CDC40: variants seen among roughly 807,000 people sequenced by gnomAD.
CDC40 encodes the protein cell division cycle 40.
Under a neutral mutation model 80.6 loss-of-function variants are expected in CDC40, and 27 were observed. The ratio of observed to expected loss-of-function variants is 0.33; its 90% CI spans 0.25 to 0.46. The LOEUF (loss-of-function observed/expected upper bound fraction) is 0.46. Ranked by LOEUF, CDC40 falls within the 20% of genes least tolerant of loss-of-function variation. The pLI, the probability that CDC40 is intolerant of heterozygous loss-of-function variation, is 1.00. For synonymous variants in CDC40, 221 were observed against 232.6 expected (o/e 0.95, Z 0.45); for missense variants, 486 against 694.1 (o/e 0.70, Z 3.37).
intron 2 of CDC40, among the ~76,000 whole-genome samples, chr6:110,200,031 T>C (rs980031719): frequency 6.6e-6 from 1 of 152,146 alleles, no homozygotes; most frequent in Non-Finnish European, 1.5e-5. Flanking sequence ...TAGATTTTTT[T>C]CCCCGACATT....
In CDC40 at chr6:110,180,456, G is replaced by C; in HGVS notation, c.12G>C (p.Ala4=). 6.2e-7 allele frequency: 1 copy of C among 1,614,126 alleles called. No individual in the cohort carries two copies. The highest frequency in any genetic ancestry group is 1.7e-4 in the Middle Eastern group (1 of 6,040). MSA[A]IAALAASYGS... Reference sequence around the variant, plus strand: ...GATTTGTTGCCGTCATGTCGGCTGCGATTGCAGCTCTGGCCGCTTCCTATG... The same window carrying C: ...GATTTGTTGCCGTCATGTCGGCTGCCATTGCAGCTCTGGCCGCTTCCTATG... Residue 4 remains alanine, a synonymous_variant, in exon 1 of 15, where the codon GCG becomes GCC. Coordinates refer to ENST00000307731, the MANE Select transcript of CDC40 (RefSeq NM_015891.3).
In CDC40 at chr6:110,215,152, A is replaced by C. The variant is rs559332947; in HGVS notation, c.943-134A>C. 7.2e-5 allele frequency: 48 copies of C among 666,862 alleles called. No individual in the cohort carries two copies. The South Asian group carries it at 8.6e-4, about 12-fold the overall frequency. 41.3% of individuals were successfully genotyped at this position (666,862 alleles called of 1,614,324 possible). The stretch of plus-strand genomic sequence containing the variant: ...CTATATTTAATGATATTCAGTGTTT[A>C]ATATTTAATGATTGAAGCTGTGCGT... On this transcript the variant is annotated intron_variant, in intron 8 of 14. Coordinates refer to ENST00000307731, the MANE Select transcript of CDC40 (RefSeq NM_015891.3).
intron 12 of CDC40, among the ~76,000 whole-genome samples, chr6:110,225,896 A>G (rs775965069): frequency 6.6e-6 from 1 of 152,214 alleles, no homozygotes; most frequent in East Asian, 1.9e-4. Context: ...ATTTTTTAAC[A>G]TAAAGGCCAA....
intron 4 of CDC40, among the ~76,000 whole-genome samples, chr6:110,208,508 A>G (rs1777592267): frequency 1.3e-5 from 2 of 152,178 alleles, no homozygotes; most frequent in Admixed American, 1.3e-4. Flanking sequence ...CGTTAATGAT[A>G]TTAGAGGTCA....
At chr6:110,196,473 C>T (rs1294044124) in intron 2 of CDC40, among the ~76,000 whole-genome samples, 1 of 152,056 alleles carries the variant, frequency 6.6e-6, no homozygotes, top group South Asian at 2.1e-4. Context: ...CTTTTTAAAT[C>T]TGCTTAGACA....
chr6:110,182,014 A>G (rs1016677048), intron 1 of CDC40, among the ~76,000 whole-genome samples: 8 of 152,018 alleles, frequency 5.3e-5, no homozygotes, highest in Non-Finnish European at 1.0e-4. Flanking sequence ...CATACCTTCA[A>G]CCTCAGGCTG....
chr6:110,181,576 A>G (rs1432264061), intron 1 of CDC40, among the ~76,000 whole-genome samples: 1 of 152,242 alleles, frequency 6.6e-6, no homozygotes, highest in African/African-American at 2.4e-5. Flanking sequence ...TACTTTTTAA[A>G]AATGGACATC....
chr6:110,213,840 C>T (rs2114665714), intron 8 of CDC40, among the ~76,000 whole-genome samples: 1 of 152,262 alleles, frequency 6.6e-6, no homozygotes, highest in African/African-American at 2.4e-5. Flanking sequence ...TCTTTAGCTT[C>T]TGTTCAGTCA....
chr6:110,219,648 A>G (rs557944067), intron 11 of CDC40, 88 bp from the exon 12 acceptor site: 316 of 1,431,900 alleles, frequency 2.2e-4, no homozygotes, highest in East Asian at 2.3e-5. Context: ...CGTGTTGAAG[A>G]TCTTCTCCTT....
chr6:110,207,314 C>CAAAAAA (rs869177206), intron 3 of CDC40, among the ~76,000 whole-genome samples, 192 bp from the exon 4 acceptor site: 4 of 52,514 alleles, frequency 7.6e-5, no homozygotes, highest in Non-Finnish European at 8.9e-5. Flanking sequence ...GACCCTATCT[C>CAAAAAA]AAAAAAAAAA....
At chr6:110,183,045 G>A (rs1562197732) in intron 1 of CDC40, among the ~76,000 whole-genome samples, 1 of 152,118 alleles carries the variant, frequency 6.6e-6, no homozygotes, top group Non-Finnish European at 1.5e-5. Flanking sequence ...TTCTTCCTCT[G>A]AAGATTTTGC....
chr6:110,195,779 C>G (rs1777411337), intron 2 of CDC40, among the ~76,000 whole-genome samples: 1 of 151,902 alleles, frequency 6.6e-6, no homozygotes. Flanking sequence ...ACAGGAATGC[C>G]CGAGTCCTTA....
chr6:110,221,998 G>A (rs1777783881), intron 12 of CDC40, among the ~76,000 whole-genome samples: 1 of 151,792 alleles, frequency 6.6e-6, no homozygotes, highest in Non-Finnish European at 1.5e-5. Flanking sequence ...GCTGATGCCT[G>A]TAATTCCAGC....
At chr6:110,205,744 TTTACATTC>T (rs1440272114) in intron 3 of CDC40, among the ~76,000 whole-genome samples, 1 of 152,154 alleles carries the variant, frequency 6.6e-6, no homozygotes, top group Admixed American at 6.5e-5. Context: ...AAAGTAGAAA[TTTACATTC>T]TAGCTAGATA....
rs760024633 is a variant in CDC40 at position 110,215,330 on chromosome 6, T to G, written c.987T>G (p.Ile329Met). Residue 329 changes from isoleucine to methionine, a missense_variant and splice_region_variant, in exon 9 of 15, where the codon ATT becomes ATG. Coordinates refer to ENST00000307731, the MANE Select transcript of CDC40 (RefSeq NM_015891.3). ...AACGGCGCTGTCTGAGAACATTTAT[T>G]GGTAATGCTTCTTTTCTCTCCAACA... The part of the protein sequence containing the change: ...YGERRCLRTF[I>M]GHSKAVRDIC... 6.2e-7 allele frequency: 1 copy of G among 1,611,576 alleles called. No individual in the cohort carries two copies. Among genetic ancestry groups the G allele is most frequent in the South Asian group, 1.1e-5 (1 of 91,024 alleles).
At chr6:110,220,443 CTTTTT>C (rs57659156) in intron 12 of CDC40, among the ~76,000 whole-genome samples, 3 of 60,764 alleles carry the variant, frequency 4.9e-5, no homozygotes, top group African/African-American at 6.2e-5. Context: ...GAGAAAGGCA[CTTTTT>C]TTTTTTTTTT....
At chr6:110,203,727 C>T (rs1161960071) in intron 3 of CDC40, among the ~76,000 whole-genome samples, 4 of 152,094 alleles carry the variant, frequency 2.6e-5, no homozygotes, top group Non-Finnish European at 4.4e-5. Context: ...TGTGTCATCC[C>T]GTTTACTTAC....
intron 1 of CDC40, among the ~76,000 whole-genome samples, chr6:110,185,386 G>T (rs1777253897): frequency 6.7e-6 from 1 of 150,206 alleles, no homozygotes; most frequent in African/African-American, 2.4e-5. Flanking sequence ...GGGACTACAG[G>T]CGCCCGCCAC....
chr6:110,191,019 G>T (rs1247144815), intron 1 of CDC40, among the ~76,000 whole-genome samples: 1 of 152,142 alleles, frequency 6.6e-6, no homozygotes, highest in Non-Finnish European at 1.5e-5. Flanking sequence ...AAAAGGATAA[G>T]ATAGGGTAAA....
Sources: gnomAD v4.1 joint callset for allele counts (sites outside exome capture counted in the v4.1 genomes callset) on GRCh38, gnomAD v4.1.1 for gene constraint, MANE v1.5 for transcripts, NCBI Gene and HGNC (gene_info 2026-07-23, HGNC 2026-07-21) for gene names.